The following INPP5D variants were observed in gnomAD, a reference collection of about 807,000 sequenced individuals.
The protein encoded by INPP5D is inositol polyphosphate-5-phosphatase D.
INPP5D carries 33 observed loss-of-function variants against 122.9 expected under a neutral mutation model. The observed-to-expected ratio is 0.27, with a 90% CI of 0.20 to 0.36. The LOEUF (loss-of-function observed/expected upper bound fraction) is 0.36. INPP5D is among the 10% of genes least tolerant of loss of function. The pLI, the probability that INPP5D is intolerant of heterozygous loss-of-function variation, is 1.00. For synonymous variants in INPP5D, 584 were observed against 576.2 expected, an observed-to-expected ratio of 1.01 and a Z score of -0.19; for missense variants, 1,053 against 1,412.7, an observed-to-expected ratio of 0.75 and a Z score of 4.08.
At chr2:233,126,306 T>A (rs963731932) in intron 4 of INPP5D, among the ~76,000 whole-genome samples, 1 of 152,186 alleles carries the variant, frequency 6.6e-6, no homozygotes, top group African/African-American at 2.4e-5. Flanking sequence ...CCCAAAGAAA[T>A]CCTAATGACA....
At position 233,147,646 on chromosome 2, in the gene INPP5D, C is replaced by A. The variant is rs148325359; in HGVS notation, c.1030+52C>A. On this transcript the variant is annotated intron_variant, in intron 9 of 26. Transcript: ENST00000445964. The stretch of plus-strand genomic sequence containing the variant: ...CTGCCCCTCACCTGCCTGTGGAATT[C>A]CTGCCCTCTCAGCTCACCTCTCAGA... 1,800 of 696,504 alleles carry A rather than the reference C, an allele frequency of 2.6e-3. 15 individuals are homozygous for A. In the African/African-American group the frequency reaches 0.027, roughly 10 times the overall value. The allele number at this position is 696,504 out of a possible 1,614,324, so 43.1% of individuals were successfully genotyped here. A position where few individuals can be genotyped will look rare whatever the true frequency, so the allele number is the denominator to read the frequency against.
At chr2:233,186,409 G>A (rs1029626934) in intron 21 of INPP5D, among the ~76,000 whole-genome samples, 6 of 152,154 alleles carry the variant, frequency 3.9e-5, no homozygotes, top group African/African-American at 7.2e-5. Context: ...GTGAACACAC[G>A]AAGTACTCGA....
chr2:233,206,782 C>T lies in INPP5D; in HGVS notation c.*74C>T, dbSNP rs1219533357. 1.4e-6 allele frequency: 1 copy of T among 726,936 alleles called. No individual in the cohort carries two copies. Among genetic ancestry groups the T allele is most frequent in the East Asian group, 2.6e-5 (1 of 38,020 alleles). 45.0% of individuals were successfully genotyped at this position (726,936 alleles called of 1,614,324 possible). A position where few individuals can be genotyped will look rare whatever the true frequency, so the allele number is the denominator to read the frequency against. On this transcript the variant is annotated 3_prime_UTR_variant, in exon 27 of 27. Transcript: ENST00000445964. This position sits in a 1 kb window ranked among gnomAD's most constrained non-coding sequence, Gnocchi z 4.0. ...AAGCCACTGGACCCTCTCCCGGGAC[C>T]TCCTGCTGGCTCCTCCTGCCCAGCT...
At chr2:233,200,052 G>T (rs1167945446) in intron 25 of INPP5D, among the ~76,000 whole-genome samples, 1 of 152,198 alleles carries the variant, frequency 6.6e-6, no homozygotes, top group Non-Finnish European at 1.5e-5. Context: ...GATGTAAAAG[G>T]CAGGGCAGCC....
chr2:233,079,348 G>A lies in INPP5D; in HGVS notation c.148G>A (p.Val50Ile), dbSNP rs748315737. 2.4e-5 allele frequency: 39 copies of A among 1,602,888 alleles called. No homozygotes were observed. Among genetic ancestry groups the A allele is most frequent in the Middle Eastern group, 1.7e-4 (1 of 6,050 alleles). The change falls in exon 2 of 27, where the codon GTT (valine) becomes ATT (isoleucine). Residue 50 changes from valine to isoleucine, a missense_variant. Transcript: ENST00000445964. Reference protein sequence around the residue: ...YALCVLYRNCVYTYRILPNED... With the variant: ...YALCVLYRNCIYTYRILPNED... The stretch of plus-strand genomic sequence containing the variant: ...GATCTATTTCAGGTATCGGAATTGC[G>A]TTTACACTTACAGAATTCTGCCCAA...
intron 20 of INPP5D, 46 bp from the exon 21 acceptor site, chr2:233,185,797 G>T (rs765360021): frequency 6.5e-6 from 10 of 1,549,672 alleles, no homozygotes; most frequent in Non-Finnish European, 8.7e-6. Context: ...TTTCTGTCTG[G>T]TTCTTGCTCT....
intron 6 of INPP5D, among the ~76,000 whole-genome samples, chr2:233,142,012 CAG>C (rs1372559746): frequency 3.9e-5 from 6 of 152,320 alleles, no homozygotes; most frequent in Admixed American, 3.9e-4. Context: ...CTAGATAAAA[CAG>C]GGGCTCTGCC....
At chr2:233,114,144 G>T (rs1278239407) in intron 2 of INPP5D, among the ~76,000 whole-genome samples, 3 of 152,146 alleles carry the variant, frequency 2.0e-5, no homozygotes, top group Non-Finnish European at 4.4e-5. Context: ...TCCTGACCTT[G>T]TGATCTGCCC....
chr2:233,134,177 G>A (rs1693407517), intron 5 of INPP5D: 1 of 377,898 alleles, frequency 2.6e-6, no homozygotes, highest in South Asian at 1.9e-5. Context: ...AGAGGGTGGT[G>A]GGAGGAGAGT....
chr2:233,097,459 G>A (rs879638709), intron 2 of INPP5D, among the ~76,000 whole-genome samples: 62 of 152,122 alleles, frequency 4.1e-4, no homozygotes, highest in Non-Finnish European at 2.8e-4. Flanking sequence ...CCTTCAATTT[G>A]AGATCATGGT....
chr2:233,071,604 G>T (rs1353692354), intron 1 of INPP5D, among the ~76,000 whole-genome samples: 1 of 152,122 alleles, frequency 6.6e-6, no homozygotes. Context: ...GATTGGAATT[G>T]TACAAAATCC....
chr2:233,157,494 G>A (rs36138480), intron 9 of INPP5D, among the ~76,000 whole-genome samples: 25,436 of 151,894 alleles, frequency 0.17, 3,834 homozygotes, highest in African/African-American at 0.4. Context: ...TAGAAAAAGA[G>A]AAACATTCAG....
intron 9 of INPP5D, among the ~76,000 whole-genome samples, chr2:233,151,578 A>C (rs1574767745): frequency 6.6e-6 from 1 of 152,330 alleles, no homozygotes; most frequent in South Asian, 2.1e-4. Context: ...TGCAGGCCCC[A>C]GCTCGGGCCC....
intron 22 of INPP5D, among the ~76,000 whole-genome samples, chr2:233,192,154 T>C (rs1695074595): frequency 6.6e-6 from 1 of 152,146 alleles, no homozygotes; most frequent in African/African-American, 2.4e-5. Flanking sequence ...CTAATAGGGA[T>C]CCCCTCGTCA....
Position 233,105,210 on chromosome 2 carries a change from G to T in INPP5D, c.199-16897G>T, listed in dbSNP as rs2106237691. Among the ~76,000 whole-genome samples the T allele has an allele frequency of 6.6e-6, 1 of 152,342 alleles. No homozygotes were observed. The highest frequency in any genetic ancestry group is 2.1e-4 in the South Asian group (1 of 4,830). On this transcript the variant is annotated intron_variant, in intron 2 of 26. Coordinates refer to ENST00000445964, the MANE Select transcript of INPP5D (RefSeq NM_001017915.3). This position sits in a 1 kb window ranked among gnomAD's most constrained non-coding sequence, Gnocchi z 4.0. ...CCCAGAAGTGGGGATGGGAGCAGGG[G>T]GGCGGTCAGTGGGTCCCAGGGAACT...
At chr2:233,204,075 C>T in intron 25 of INPP5D, 51 bp from the exon 26 acceptor site, 13 of 1,455,522 alleles carry the variant, frequency 8.9e-6, no homozygotes, top group Non-Finnish European at 1.2e-5. Flanking sequence ...GCCATGCTCC[C>T]ATGTCTTCTC....
rs1693218069 is a variant in INPP5D, at chr2:233,128,189, T to C, written c.524+2270T>C. 1.3e-5 allele frequency among the ~76,000 whole-genome samples: 2 copies of C among 152,132 alleles called. No homozygotes were observed. The highest frequency in any genetic ancestry group is 4.1e-4 in the South Asian group (2 of 4,826). Reference sequence around the variant, plus strand: ...TGAGGGATCTAGGCTGCACGCCTCTTAGGAGAATCTAACTAACGCCTGATG... The same window carrying C: ...TGAGGGATCTAGGCTGCACGCCTCTCAGGAGAATCTAACTAACGCCTGATG... On this transcript the variant is annotated intron_variant, in intron 4 of 26. Coordinates refer to ENST00000445964, the MANE Select transcript of INPP5D (RefSeq NM_001017915.3). This position sits in a 1 kb window ranked among gnomAD's most constrained non-coding sequence, Gnocchi z 4.5.
In INPP5D at chr2:233,171,160, C is replaced by T; in HGVS notation, c.1989+8C>T. On this transcript the variant is annotated splice_region_variant and intron_variant, in intron 17 of 26. Coordinates refer to ENST00000445964, the MANE Select transcript of INPP5D (RefSeq NM_001017915.3). ...AAGCAGAAAGCGACAGGGGTGAGTC[C>T]TCTTCATAGACACCTTCCCTGCCCT... The T allele has an allele frequency of 1.9e-6, 3 of 1,613,432 alleles. No homozygotes were observed. The highest frequency in any genetic ancestry group is 1.7e-6 in the Non-Finnish European group (2 of 1,179,716).
chr2:233,136,906 T>C (rs967413631), intron 5 of INPP5D, among the ~76,000 whole-genome samples: 7 of 152,354 alleles, frequency 4.6e-5, no homozygotes, highest in Middle Eastern at 3.4e-3. Flanking sequence ...AGTGTACAGT[T>C]ATGTAGCTAC....
Sources: allele counts gnomAD v4.1 joint callset (sites outside exome capture counted in the v4.1 genomes callset), GRCh38; gene constraint gnomAD v4.1.1; non-coding constraint Gnocchi (gnomAD v3.1); transcripts MANE v1.5; gene names NCBI Gene and HGNC (gene_info 2026-07-23, HGNC 2026-07-21).